MRPS16: variants seen among roughly 807,000 people sequenced by gnomAD.
The protein encoded by MRPS16 is small ribosomal subunit protein bS16m.
MRPS16 carries 5 observed loss-of-function variants against 11.0 expected under a neutral mutation model. The ratio of observed to expected loss-of-function variants is 0.46; its 90% CI spans 0.24 to 0.96. The LOEUF (loss-of-function observed/expected upper bound fraction) is 0.96. MRPS16 is among the 40% of genes least tolerant of loss of function. MRPS16 has a pLI of 0.20. For missense variants in MRPS16, 179 were observed against 174.4 expected, an observed-to-expected ratio of 1.03 and a Z score of -0.15; for synonymous variants, 76 against 65.0, an observed-to-expected ratio of 1.17 and a Z score of -0.81.
chr10:73,251,892 C>G lies in MRPS16; in HGVS notation c.145G>C (p.Glu49Gln), dbSNP rs2044109881. 2 of 1,614,182 alleles carry G rather than the reference C, an allele frequency of 1.2e-6. No homozygotes were observed. The highest frequency in any genetic ancestry group is 3.3e-5 in the Admixed American group (2 of 60,022). The change falls in exon 2 of 3, where the codon GAG becomes CAG. Residue 49 changes from glutamate to glutamine, a missense_variant. Coordinates refer to ENST00000372945, the MANE Select transcript of MRPS16 (RefSeq NM_016065.4). The part of the protein sequence containing the change: ...NKCPRDGRFV[E>Q]QLGSYDPLPN... ...AATGGATCATAGGAGCCCAGCTGCTCTACGAAACGGCCATCCCTGGGACAC... is the reference window on the plus strand; with the variant it reads ...AATGGATCATAGGAGCCCAGCTGCTGTACGAAACGGCCATCCCTGGGACAC...
intron 1 of MRPS16, 57 bp downstream of exon 1, chr10:73,252,413 C>G (rs2044130667): frequency 6.2e-7 from 1 of 1,606,986 alleles, no homozygotes; most frequent in South Asian, 1.1e-5. Context: ...CCACCCGGCC[C>G]CGAACTCCCG....
At position 73,251,746 on chromosome 10, in the gene MRPS16, G is replaced by T; in HGVS notation, c.274+17C>A. ...GTTTAAAATCCCCTCAATAAGGTAA[G>T]ACCAGAGCTGAGTTACCCAGAAGCT... On this transcript the variant is annotated intron_variant, in intron 2 of 2. Coordinates refer to ENST00000372945, the MANE Select transcript of MRPS16 (RefSeq NM_016065.4). 2 of 1,614,096 alleles carry T rather than the reference G, an allele frequency of 1.2e-6. No individual in the cohort carries two copies. The highest frequency in any genetic ancestry group is 2.2e-5 in the South Asian group (2 of 91,042).
chr10:73,249,431 G>C lies in MRPS16; in HGVS notation c.*1421C>G. On this transcript the variant is annotated 3_prime_UTR_variant, in exon 3 of 3. Coordinates refer to ENST00000372945, the MANE Select transcript of MRPS16 (RefSeq NM_016065.4). ...AGATTACTGGCATCAAGGTAGGAAGGAAAAGATACAAGAAGTAAAATGCAA... is the reference window on the plus strand; with the variant it reads ...AGATTACTGGCATCAAGGTAGGAAGCAAAAGATACAAGAAGTAAAATGCAA... 1 of 1,084,240 alleles carries C rather than the reference G, an allele frequency of 9.2e-7. No homozygotes were observed. The highest frequency in any genetic ancestry group is 1.3e-6 in the Non-Finnish European group (1 of 755,232). The allele number at this position is 1,084,240 out of a possible 1,614,324, so 67.2% of individuals were successfully genotyped here.
Position 73,250,210 on chromosome 10 carries a change from ACTC to A in MRPS16, c.*639_*641del, listed in dbSNP as rs1483490425. The A allele has an allele frequency of 2.2e-5, 3 of 133,852 alleles. No individual in the cohort carries two copies. Among genetic ancestry groups the A allele is most frequent in the Non-Finnish European group, 4.7e-5 (3 of 63,736 alleles). The allele number at this position is 133,852 out of a possible 1,614,324, so 8.3% of individuals were successfully genotyped here. ...ACTCAAGCCTGGGCGACAGAGCGAG[ACTC>A]CTCTCAAAAAAAAAAAAAAAATTAG... On this transcript the variant is annotated 3_prime_UTR_variant, in exon 3 of 3. Transcript: ENST00000372945.
At position 73,252,516 on chromosome 10, in the gene MRPS16, C is replaced by T. The variant is rs1172878418; in HGVS notation, c.-34G>A. Reference sequence around the variant, plus strand: ...CGGCGTGCGGCTCCTCGGAGAGCCCCGCTACCCGCACGCACCAGCTCTACG... The same window carrying T: ...CGGCGTGCGGCTCCTCGGAGAGCCCTGCTACCCGCACGCACCAGCTCTACG... On this transcript the variant is annotated 5_prime_UTR_variant, in exon 1 of 3. Coordinates refer to ENST00000372945, the MANE Select transcript of MRPS16 (RefSeq NM_016065.4). The T allele has an allele frequency of 6.2e-7, 1 of 1,604,574 alleles. No individual in the cohort carries two copies. The highest frequency in any genetic ancestry group is 1.1e-5 in the South Asian group (1 of 90,800).
At chr10:73,252,424 A>G (rs1334306530) in intron 1 of MRPS16, 46 bp downstream of exon 1, 1 of 1,608,422 alleles carries the variant, frequency 6.2e-7, no homozygotes, top group Non-Finnish European at 8.5e-7. Flanking sequence ...CGAACTCCCG[A>G]GCCCCGTGAC....
rs555061429 is a variant in MRPS16, at chr10:73,250,218, CAAA to C, written c.*631_*633del. On this transcript the variant is annotated 3_prime_UTR_variant, in exon 3 of 3. Transcript: ENST00000372945. ...CTGGGCGACAGAGCGAGACTCCTCTCAAAAAAAAAAAAAAAATTAGCTGGGTGT... is the reference window on the plus strand; with the variant it reads ...CTGGGCGACAGAGCGAGACTCCTCTCAAAAAAAAAAAAATTAGCTGGGTGT... 16 of 132,104 alleles carry C rather than the reference CAAA, an allele frequency of 1.2e-4. No individual in the cohort carries two copies. Among genetic ancestry groups the C allele is most frequent in the East Asian group, 2.2e-4 (1 of 4,584 alleles). The allele number at this position is 132,104 out of a possible 1,614,324, so 8.2% of individuals were successfully genotyped here.
chr10:73,251,182 T>C (rs1253846204), intron 2 of MRPS16, among the ~76,000 whole-genome samples, 191 bp from the exon 3 acceptor site: 3 of 151,838 alleles, frequency 2.0e-5, no homozygotes, highest in Non-Finnish European at 4.4e-5. Flanking sequence ...CTAACAATAT[T>C]CCCCTTACTT....
At position 73,252,263 on chromosome 10, in the gene MRPS16, T is replaced by C. The variant is rs1442590661; in HGVS notation, c.13+207A>G. The C allele has an allele frequency of 1.4e-5, 15 of 1,036,004 alleles. No individual in the cohort carries two copies. The East Asian group carries it at 3.4e-4, about 23-fold the overall frequency. 64.2% of individuals were successfully genotyped at this position (1,036,004 alleles called of 1,614,324 possible). A position where few individuals can be genotyped will look rare whatever the true frequency, so the allele number is the denominator to read the frequency against. On this transcript the variant is annotated intron_variant, in intron 1 of 2. Coordinates refer to ENST00000372945, the MANE Select transcript of MRPS16 (RefSeq NM_016065.4). ...CCATTCACTAGGCTCTGTGACCTTGTCGGAGCCTTAGCTGCTTCAATGGGG... is the reference window on the plus strand; with the variant it reads ...CCATTCACTAGGCTCTGTGACCTTGCCGGAGCCTTAGCTGCTTCAATGGGG...
chr10:73,252,602 G>C lies in MRPS16; in HGVS notation c.-120C>G, dbSNP rs1178310233. 1.7e-5 allele frequency: 25 copies of C among 1,444,788 alleles called. No individual in the cohort carries two copies. The highest frequency in any genetic ancestry group is 2.3e-5 in the Non-Finnish European group (24 of 1,063,728). 89.5% of individuals were successfully genotyped at this position (1,444,788 alleles called of 1,614,324 possible). On this transcript the variant is annotated 5_prime_UTR_variant, in exon 1 of 3. Coordinates refer to ENST00000372945, the MANE Select transcript of MRPS16 (RefSeq NM_016065.4). ...CTGCAAGCCGACACCAGGCCGCACCGCCAAGCGGTACAAGCCCGAAAACCT... is the reference window on the plus strand; with the variant it reads ...CTGCAAGCCGACACCAGGCCGCACCCCCAAGCGGTACAAGCCCGAAAACCT...
intron 1 of MRPS16, chr10:73,252,262 G>A (rs1056797229): frequency 6.8e-6 from 7 of 1,031,430 alleles, no homozygotes; most frequent in Non-Finnish European, 7.2e-6. Flanking sequence ...CTGTGACCTT[G>A]TCGGAGCCTT....
At position 73,249,500 on chromosome 10, in the gene MRPS16, T is replaced by C; in HGVS notation, c.*1352A>G. 1.7e-6 allele frequency: 1 copy of C among 595,100 alleles called. No homozygotes were observed. Among genetic ancestry groups the C allele is most frequent in the Non-Finnish European group, 2.9e-6 (1 of 348,264 alleles). 36.9% of individuals were successfully genotyped at this position (595,100 alleles called of 1,614,324 possible). A position where few individuals can be genotyped will look rare whatever the true frequency, so the allele number is the denominator to read the frequency against. ...AACATTATTGGTATACAGTTTATCCTAACACAGAGCAGCCTTCTTAACCTG... is the reference window on the plus strand; with the variant it reads ...AACATTATTGGTATACAGTTTATCCCAACACAGAGCAGCCTTCTTAACCTG... On this transcript the variant is annotated 3_prime_UTR_variant, in exon 3 of 3. Coordinates refer to ENST00000372945, the MANE Select transcript of MRPS16 (RefSeq NM_016065.4).
intron 1 of MRPS16, 148 bp from the exon 2 acceptor site, chr10:73,252,171 C>G: frequency 7.8e-7 from 1 of 1,276,012 alleles, no homozygotes; most frequent in Non-Finnish European, 1.1e-6. Context: ...CTTTGTGAAA[C>G]CCCTCTTGGC....
In MRPS16 at chr10:73,249,663, G is replaced by T; in HGVS notation, c.*1189C>A. ...ATATGCAGAAATCACAGCCACATTT[G>T]AATGGTTCAATCTTGATTCATACTG... On this transcript the variant is annotated 3_prime_UTR_variant, in exon 3 of 3. Transcript: ENST00000372945. 1 of 258,116 alleles carries T rather than the reference G, an allele frequency of 3.9e-6. No homozygotes were observed. Among genetic ancestry groups the T allele is most frequent in the Non-Finnish European group, 7.6e-6 (1 of 130,924 alleles). The allele number at this position is 258,116 out of a possible 1,614,324, so 16.0% of individuals were successfully genotyped here.
Position 73,252,541 on chromosome 10 carries a change from G to T in MRPS16, c.-59C>A, listed in dbSNP as rs2044135485. The T allele has an allele frequency of 8.8e-6, 14 of 1,596,356 alleles. No individual in the cohort carries two copies. In the South Asian group the frequency reaches 1.4e-4, roughly 16 times the overall value. ...CGCTACCCGCACGCACCAGCTCTAC[G>T]GCCTTGGCAGGGCAGAGAACAAACA... On this transcript the variant is annotated 5_prime_UTR_variant, in exon 1 of 3. Coordinates refer to ENST00000372945, the MANE Select transcript of MRPS16 (RefSeq NM_016065.4).
rs925395582 is a variant in MRPS16 at position 73,249,102 on chromosome 10, A to G, written c.*1750T>C. The G allele has an allele frequency of 1.6e-6, 1 of 615,546 alleles. No individual in the cohort carries two copies. Among genetic ancestry groups the G allele is most frequent in the Non-Finnish European group, 2.9e-6 (1 of 340,378 alleles). 38.1% of individuals were successfully genotyped at this position (615,546 alleles called of 1,614,324 possible). A position where few individuals can be genotyped will look rare whatever the true frequency, so the allele number is the denominator to read the frequency against. On this transcript the variant is annotated 3_prime_UTR_variant, in exon 3 of 3. Transcript: ENST00000372945. ...GCCAGCTAATTTTTTAAGTTTTTGT[A>G]GAGACGGGGTCTTGCTGTGTTGCAC...
chr10:73,252,214 C>T (rs2044123580), intron 1 of MRPS16, 191 bp from the exon 2 acceptor site: 1 of 1,040,966 alleles, frequency 9.6e-7, no homozygotes, highest in Non-Finnish European at 1.4e-6. Context: ...CTCCTCATAC[C>T]CAAACCCACC....
At chr10:73,251,051 A>G in intron 2 of MRPS16, 60 bp from the exon 3 acceptor site, 1 of 1,588,078 alleles carries the variant, frequency 6.3e-7, no homozygotes, top group Non-Finnish European at 8.6e-7. Flanking sequence ...TTCCCTAGGA[A>G]CTCTGTCTCA....
At position 73,252,643 on chromosome 10, in the gene MRPS16, A is replaced by C. The variant is rs919731727; in HGVS notation, c.-161T>G. On this transcript the variant is annotated 5_prime_UTR_variant, in exon 1 of 3. Coordinates refer to ENST00000372945, the MANE Select transcript of MRPS16 (RefSeq NM_016065.4). ...CCGAAAACCTCGACTCCGGAAGCGGATGATCCGCTCGCCACGCCTCCTCCG... is the reference window on the plus strand; with the variant it reads ...CCGAAAACCTCGACTCCGGAAGCGGCTGATCCGCTCGCCACGCCTCCTCCG... The C allele has an allele frequency of 4.0e-6, 4 of 1,003,052 alleles. No homozygotes were observed. The African/African-American group carries it at 6.4e-5, about 16-fold the overall frequency. The allele number at this position is 1,003,052 out of a possible 1,614,324, so 62.1% of individuals were successfully genotyped here.
Sources: gnomAD v4.1 joint callset for allele counts (sites outside exome capture counted in the v4.1 genomes callset) on GRCh38, gnomAD v4.1.1 for gene constraint, MANE v1.5 for transcripts, NCBI Gene and HGNC (gene_info 2026-07-23, HGNC 2026-07-21) for gene names.